Variants in FAM107B observed in about 807,000 individuals in gnomAD.
FAM107B encodes the protein family with sequence similarity 107 member B.
In FAM107B, 21 loss-of-function variants were observed where a neutral mutation model predicts 31.5. That is an observed-to-expected ratio of 0.67 (90% CI 0.47 to 0.96). The LOEUF is 0.96. Ranked by LOEUF, FAM107B falls within the 40% of genes least tolerant of loss-of-function variation. The probability of loss-of-function intolerance (pLI) is 0.00; values close to 1 mark genes in which losing one functional copy is unlikely to be tolerated. For missense variants in FAM107B, 452 were observed against 377.1 expected, an observed-to-expected ratio of 1.20 and a Z score of -1.64; for synonymous variants, 157 against 141.5, an observed-to-expected ratio of 1.11 and a Z score of -0.78.
intron 2 of FAM107B, among the ~76,000 whole-genome samples, chr10:14,562,033 G>C (rs534140125): frequency 6.6e-6 from 1 of 152,158 alleles, no homozygotes; most frequent in Admixed American, 6.5e-5. Context: ...CGATCCACCC[G>C]CCTTGGCCTC....
chr10:14,583,118 G>T (rs926945911), intron 2 of FAM107B, among the ~76,000 whole-genome samples: 1 of 149,424 alleles, frequency 6.7e-6, no homozygotes, highest in African/African-American at 2.5e-5. Context: ...AAGAAAGAAA[G>T]AAAGCCAAAG....
intron 1 of FAM107B, among the ~76,000 whole-genome samples, chr10:14,713,711 A>T (rs73586458): frequency 6.6e-6 from 1 of 152,342 alleles, no homozygotes; most frequent in Non-Finnish European, 1.5e-5. Context: ...AACCTTGAAA[A>T]AAACAGACAT....
intron 1 of FAM107B, among the ~76,000 whole-genome samples, chr10:14,767,093 G>GAGAC (rs1222697826): frequency 9.0e-6 from 1 of 110,986 alleles, no homozygotes; most frequent in Non-Finnish European, 1.7e-5. Context: ...GAGAGAGAGA[G>GAGAC]AGAGAGACAG....
intron 1 of FAM107B, among the ~76,000 whole-genome samples, chr10:14,716,213 C>A (rs1000716123): frequency 6.6e-6 from 1 of 152,168 alleles, no homozygotes; most frequent in African/African-American, 2.4e-5. Context: ...CAACCATAAA[C>A]CTTCATTAGG....
chr10:14,586,507 T>C (rs900845557), intron 2 of FAM107B, among the ~76,000 whole-genome samples: 1 of 152,100 alleles, frequency 6.6e-6, no homozygotes, highest in South Asian at 2.1e-4. Context: ...AATTAAGTCA[T>C]AGAAGTGGAG....
intron 1 of FAM107B, among the ~76,000 whole-genome samples, chr10:14,689,698 C>A (rs1855080916): frequency 6.6e-6 from 1 of 152,174 alleles, no homozygotes; most frequent in Non-Finnish European, 1.5e-5. Flanking sequence ...CAGTGCCTCA[C>A]ACCTGTAATC....
intron 1 of FAM107B, among the ~76,000 whole-genome samples, chr10:14,668,387 G>C (rs987272680): frequency 1.3e-5 from 2 of 152,266 alleles, no homozygotes; most frequent in African/African-American, 4.8e-5. Context: ...GTTGAACAAG[G>C]AGAATTATGT....
chr10:14,654,832 A>C (rs1236873410), intron 2 of FAM107B, among the ~76,000 whole-genome samples: 1 of 152,180 alleles, frequency 6.6e-6, no homozygotes, highest in Non-Finnish European at 1.5e-5. Flanking sequence ...AATGCCCCTC[A>C]GTGGATGCAT....
intron 2 of FAM107B, among the ~76,000 whole-genome samples, chr10:14,636,246 T>C (rs1460081518): frequency 1.5e-5 from 2 of 135,200 alleles, no homozygotes; most frequent in Non-Finnish European, 3.0e-5. Flanking sequence ...GATTTTGCCA[T>C]AGTGTGACTC....
At chr10:14,733,400 T>C (rs1414502694) in intron 1 of FAM107B, among the ~76,000 whole-genome samples, 1 of 152,126 alleles carries the variant, frequency 6.6e-6, no homozygotes, top group Non-Finnish European at 1.5e-5. Context: ...TGCCACCAAG[T>C]TTCATACAAA....
At chr10:14,756,171 C>A (rs776923451) in intron 1 of FAM107B, among the ~76,000 whole-genome samples, 1 of 151,330 alleles carries the variant, frequency 6.6e-6, no homozygotes, top group Non-Finnish European at 1.5e-5. Context: ...TGGTATAGTG[C>A]CTTCATATAT....
intron 2 of FAM107B, among the ~76,000 whole-genome samples, chr10:14,587,456 G>A (rs1183057841): frequency 6.6e-6 from 1 of 152,138 alleles, no homozygotes; most frequent in African/African-American, 2.4e-5. Context: ...GACAAAGATA[G>A]TTCTCATACA....
intron 2 of FAM107B, among the ~76,000 whole-genome samples, chr10:14,560,597 C>T (rs1564567324): frequency 6.6e-6 from 1 of 152,066 alleles, no homozygotes; most frequent in South Asian, 2.1e-4. Flanking sequence ...ATGGAAGGCT[C>T]GGAAGTCAGA....
rs373865821 is a variant in FAM107B at position 14,563,510 on chromosome 10, A to G, written c.470-32995T>C. Among the ~76,000 whole-genome samples, 8 of 152,310 alleles carry G rather than the reference A, an allele frequency of 5.3e-5. No individual in the cohort carries two copies. The East Asian group carries it at 1.5e-3, about 29-fold the overall frequency. ...GGCTGCAAAATCTGCCATTACATGA[A>G]TGTATTATAGGTGACTTAACTATTC... On this transcript the variant is annotated intron_variant, in intron 2 of 4. Transcript: ENST00000181796.
At chr10:14,651,150 C>G (rs181530031) in intron 2 of FAM107B, among the ~76,000 whole-genome samples, 15 of 152,328 alleles carry the variant, frequency 9.8e-5, no homozygotes, top group Admixed American at 9.8e-4. Flanking sequence ...CACTTGACAA[C>G]TTTAGCTAGT....
intron 2 of FAM107B, among the ~76,000 whole-genome samples, chr10:14,629,265 T>C (rs1241408716): frequency 2.3e-5 from 3 of 130,962 alleles, no homozygotes; most frequent in Non-Finnish European, 3.1e-5. Flanking sequence ...ATAAATTATA[T>C]ATAATTTATA....
intron 1 of FAM107B, among the ~76,000 whole-genome samples, chr10:14,708,349 G>C (rs1855567244): frequency 6.6e-6 from 1 of 152,082 alleles, no homozygotes; most frequent in South Asian, 2.1e-4. Flanking sequence ...TCTAAGTGCT[G>C]AGATTACAGG....
At chr10:14,638,382 T>C (rs1242089431) in intron 2 of FAM107B, among the ~76,000 whole-genome samples, 2 of 152,112 alleles carry the variant, frequency 1.3e-5, no homozygotes, top group Admixed American at 6.5e-5. Flanking sequence ...CCAGTCAAAG[T>C]AGAAGCATTA....
intron 1 of FAM107B, among the ~76,000 whole-genome samples, chr10:14,718,144 T>C (rs936098611): frequency 2.0e-5 from 3 of 152,140 alleles, no homozygotes; most frequent in Admixed American, 2.0e-4. Flanking sequence ...CTGGCCAACA[T>C]GGTGAAACCC....
Sources: gnomAD v4.1 joint callset for allele counts (sites outside exome capture counted in the v4.1 genomes callset) on GRCh38, gnomAD v4.1.1 for gene constraint, MANE v1.5 for transcripts, NCBI Gene and HGNC (gene_info 2026-07-23, HGNC 2026-07-21) for gene names.